Variants in RTF2 observed in about 807,000 individuals in gnomAD.
The protein encoded by RTF2 is replication termination factor 2, also known as UPF0549 protein C20orf43.
Under a neutral mutation model 38.0 loss-of-function variants are expected in RTF2, and 18 were observed. That is an observed-to-expected ratio of 0.47 (90% CI 0.33 to 0.70). The LOEUF (loss-of-function observed/expected upper bound fraction) is 0.70. Among genes scored for constraint, RTF2 ranks in the 30% least tolerant of loss-of-function variants. RTF2 has a pLI of 0.02. For missense variants in RTF2, 311 were observed against 379.6 expected (o/e 0.82, Z 1.50); for synonymous variants, 126 against 137.1 (o/e 0.92, Z 0.57).
chr20:56,508,753 CAA>C (rs1225112118), intron 5 of RTF2, among the ~76,000 whole-genome samples: 1 of 152,104 alleles, frequency 6.6e-6, no homozygotes, highest in Non-Finnish European at 1.5e-5. Flanking sequence ...ACAAAAGGGC[CAA>C]GTCAATTCGA....
At chr20:56,479,023 G>A (rs1982394592) in intron 4 of RTF2, among the ~76,000 whole-genome samples, 1 of 152,044 alleles carries the variant, frequency 6.6e-6, no homozygotes, top group South Asian at 2.1e-4. Context: ...GGGTTTTATC[G>A]TGAGATTGCA....
At chr20:56,484,843 C>T (rs1982707323) in intron 5 of RTF2, among the ~76,000 whole-genome samples, 1 of 152,150 alleles carries the variant, frequency 6.6e-6, no homozygotes, top group Non-Finnish European at 1.5e-5. Context: ...CCATCGAAAG[C>T]GTGCTGCTTC....
At chr20:56,508,797 T>G (rs1984448877) in intron 5 of RTF2, among the ~76,000 whole-genome samples, 1 of 152,166 alleles carries the variant, frequency 6.6e-6, no homozygotes. Flanking sequence ...CAACAAATAG[T>G]GTGGGGTAAC....
rs567709127 is a variant in RTF2 at position 56,480,266 on chromosome 20, G to A, written c.398+3142G>A. On this transcript the variant is annotated intron_variant, in intron 4 of 8. Transcript: ENST00000357348. ...CCTTGCACTTTTATGTTATGGAGAC[G>A]CCTTCTTTCCCTAAACCTCATGAAC... Among the ~76,000 whole-genome samples, 9 of 152,240 alleles carry A rather than the reference G, an allele frequency of 5.9e-5. No individual in the cohort carries two copies. In the East Asian group the frequency reaches 1.5e-3, roughly 26 times the overall value.
intron 5 of RTF2, among the ~76,000 whole-genome samples, chr20:56,509,449 C>CTT (rs2146368720): frequency 6.6e-6 from 1 of 152,068 alleles, no homozygotes; most frequent in Non-Finnish European, 1.5e-5. Flanking sequence ...GCCATCTCTA[C>CTT]TAAAAATACA....
At chr20:56,486,645 T>G (rs944095791) in intron 5 of RTF2, among the ~76,000 whole-genome samples, 3 of 151,854 alleles carry the variant, frequency 2.0e-5, no homozygotes, top group Non-Finnish European at 4.4e-5. Context: ...TGAGACTCCA[T>G]CTCAAAAAAA....
At chr20:56,470,690 C>G (rs1397865588) in intron 1 of RTF2, 1 of 455,920 alleles carries the variant, frequency 2.2e-6, no homozygotes. Flanking sequence ...CACCTCACCC[C>G]CATCCTTCAG....
At chr20:56,508,296 A>G (rs571751226) in intron 5 of RTF2, among the ~76,000 whole-genome samples, 11 of 143,996 alleles carry the variant, frequency 7.6e-5, no homozygotes, top group South Asian at 6.6e-4. Flanking sequence ...CAACTTCAGG[A>G]AAAAAAAAGT....
intron 5 of RTF2, among the ~76,000 whole-genome samples, chr20:56,502,055 C>G (rs1983960670): frequency 6.6e-6 from 1 of 152,182 alleles, no homozygotes. Flanking sequence ...TGGAACAAAA[C>G]AGCTTCCAAG....
intron 6 of RTF2, chr20:56,515,575 C>CAGAGAGAGAGAG (rs58977063): frequency 4.6e-5 from 6 of 130,310 alleles, no homozygotes; most frequent in African/African-American, 1.8e-4. Context: ...CTGTCTCAGA[C>CAGAGAGAGAGAG]AGAGAGAGAG....
At chr20:56,471,051 T>C (rs1388686975) in intron 1 of RTF2, 1 of 187,416 alleles carries the variant, frequency 5.3e-6, no homozygotes, top group African/African-American at 2.3e-5. Context: ...AGGTGACAAC[T>C]TGAACTTGTG....
intron 5 of RTF2, among the ~76,000 whole-genome samples, chr20:56,502,578 AT>A (rs1292800641): frequency 6.6e-6 from 1 of 152,166 alleles, no homozygotes; most frequent in African/African-American, 2.4e-5. Context: ...CTTTCGTTGC[AT>A]TTTTTATATG....
At chr20:56,486,440 G>A (rs1982796763) in intron 5 of RTF2, among the ~76,000 whole-genome samples, 1 of 152,164 alleles carries the variant, frequency 6.6e-6, no homozygotes, top group Admixed American at 6.5e-5. Context: ...CCTGAGGTCA[G>A]GAGTTCAAGA....
intron 6 of RTF2, among the ~76,000 whole-genome samples, chr20:56,514,697 G>C (rs1984908439): frequency 6.6e-6 from 1 of 152,154 alleles, no homozygotes; most frequent in Admixed American, 6.5e-5. Context: ...CATGGATCCA[G>C]AATGATCAGA....
chr20:56,469,646 C>G (rs754209436), intron 1 of RTF2, among the ~76,000 whole-genome samples: 16 of 152,194 alleles, frequency 1.1e-4, no homozygotes, highest in Non-Finnish European at 2.2e-4. Flanking sequence ...TATTCTGATT[C>G]AGGAGCTGGA....
At position 56,490,165 on chromosome 20, in the gene RTF2, C is replaced by T. The variant is rs148518073; in HGVS notation, c.477+5976C>T. On this transcript the variant is annotated intron_variant, in intron 5 of 8. Transcript: ENST00000357348. ...GATGTTTTCCCAGGGCTATTTCACA[C>T]AGTGACTTGACTTCATTTCTATGCG... Among the ~76,000 whole-genome samples the T allele has an allele frequency of 4.0e-3, 614 of 152,338 alleles. 3 individuals are homozygous for T. Among genetic ancestry groups the T allele is most frequent in the African/African-American group, 0.014 (581 of 41,576 alleles).
At chr20:56,469,015 G>A (rs1981825193) in intron 1 of RTF2, among the ~76,000 whole-genome samples, 1 of 152,194 alleles carries the variant, frequency 6.6e-6, no homozygotes, top group African/African-American at 2.4e-5. Context: ...TAGCCCTATA[G>A]CTACATACTG....
At chr20:56,500,211 C>T (rs1983840338) in intron 5 of RTF2, among the ~76,000 whole-genome samples, 2 of 151,992 alleles carry the variant, frequency 1.3e-5, no homozygotes, top group Admixed American at 1.3e-4. Flanking sequence ...TGCACCACCA[C>T]ACTCAGCTAA....
At chr20:56,479,818 C>CTTTT (rs56227133) in intron 4 of RTF2, among the ~76,000 whole-genome samples, 1 of 142,390 alleles carries the variant, frequency 7.0e-6, no homozygotes, top group Non-Finnish European at 1.5e-5. Context: ...TGAAAGGAAT[C>CTTTT]TTTTTTTTTT....
Sources: gnomAD v4.1 joint callset for allele counts (sites outside exome capture counted in the v4.1 genomes callset) on GRCh38, gnomAD v4.1.1 for gene constraint, MANE v1.5 for transcripts, NCBI Gene and HGNC (gene_info 2026-07-23, HGNC 2026-07-21) for gene names.